The following ABCG8 variants were observed in gnomAD, a reference collection of about 807,000 sequenced individuals.
ABCG8 encodes ATP-binding cassette sub-family G member 8.
A neutral mutation model predicts 71.3 loss-of-function variants in ABCG8; 81 were observed. The ratio of observed to expected loss-of-function variants is 1.14; its 90% CI spans 0.95 to 1.37. The LOEUF (loss-of-function observed/expected upper bound fraction) is 1.37. Ranked by LOEUF, ABCG8 falls within the 40% of genes most tolerant of loss-of-function variation. ABCG8 has a pLI of 0.00. For missense variants in ABCG8, 1,119 were observed against 866.2 expected (o/e 1.29, Z -3.66); for synonymous variants, 451 against 354.7 (o/e 1.27, Z -3.05).
At chr2:43,862,795 G>A (rs72796789) in intron 6 of ABCG8, among the ~76,000 whole-genome samples, 7,771 of 148,002 alleles carry the variant, frequency 0.053, 250 homozygotes, top group Middle Eastern at 0.12. Flanking sequence ...ATCTCTCTGT[G>A]TAGAATTCTG....
chr2:43,875,360 ACTC>A lies in ABCG8; in HGVS notation c.1706_1708del (p.Ser569del), dbSNP rs776662013. The A allele has an allele frequency of 1.2e-6, 2 of 1,613,450 alleles. No individual in the cohort carries two copies. The highest frequency in any genetic ancestry group is 2.7e-5 in the African/African-American group (2 of 74,760). On this transcript the variant is annotated inframe_deletion, in exon 11 of 13. Transcript: ENST00000272286. ...TCCTTCTTCAGCAATGCCCTCTACA[ACTC>A]CTTCTACCTCGCCGGGGGCTTCATG...
At position 43,877,849 on chromosome 2, in the gene ABCG8, G is replaced by A; in HGVS notation, c.1958G>A (p.Gly653Asp). 1 of 1,614,082 alleles carries A rather than the reference G, an allele frequency of 6.2e-7. No homozygotes were observed. Among genetic ancestry groups the A allele is most frequent in the Non-Finnish European group, 8.5e-7 (1 of 1,180,004 alleles). ...CTCATCGTCATTGGCCTCAGCGGTG[G>A]CTTCATGGTCCTGTACTACGTGTCC... ...IYLIVIGLSG[G>D]FMVLYYVSLR... The change falls in exon 13 of 13, where the codon GGC becomes GAC. Residue 653 changes from glycine (G) to aspartate (D), a missense_variant. Transcript: ENST00000272286.
chr2:43,859,089 T>C (rs1669214044), intron 6 of ABCG8, among the ~76,000 whole-genome samples: 1 of 151,108 alleles, frequency 6.6e-6, no homozygotes. Context: ...GAACTGTCAC[T>C]CTCAGAACTT....
rs772660192 is a variant in ABCG8, at chr2:43,844,565, G to C, written c.122G>C (p.Ser41Thr). The C allele has an allele frequency of 6.2e-7, 1 of 1,614,172 alleles. No individual in the cohort carries two copies. The highest frequency in any genetic ancestry group is 1.1e-5 in the South Asian group (1 of 91,084). The stretch of plus-strand genomic sequence containing the variant: ...GACAACAGCCTGTACTTCACCTACA[G>C]TGGCCAGCCCAACACCCTGGAGGTC... ...ESDNSLYFTY[S>T]GQPNTLEVRD... is the part of the protein sequence containing the mutation. Residue 41 changes from serine to threonine, a missense_variant, in exon 2 of 13, where the codon AGT becomes ACT. Coordinates refer to ENST00000272286, the MANE Select transcript of ABCG8 (RefSeq NM_022437.3).
chr2:43,839,041 A>T lies in ABCG8; in HGVS notation c.-13A>T. 1 of 1,550,688 alleles carries T rather than the reference A, an allele frequency of 6.4e-7. No homozygotes were observed. Among genetic ancestry groups the T allele is most frequent in the Non-Finnish European group, 8.7e-7 (1 of 1,146,684 alleles). Reference sequence around the variant, plus strand: ...AGAGAGCTGCAGCCCAGGGTCACAGACCTGTGGGCCCCATGGCCGGGAAGG... The same window carrying T: ...AGAGAGCTGCAGCCCAGGGTCACAGTCCTGTGGGCCCCATGGCCGGGAAGG... On this transcript the variant is annotated 5_prime_UTR_variant, in exon 1 of 13. Transcript: ENST00000272286.
intron 6 of ABCG8, among the ~76,000 whole-genome samples, chr2:43,857,364 A>G (rs59880010): frequency 6.6e-6 from 1 of 151,558 alleles, no homozygotes; most frequent in East Asian, 1.9e-4. Context: ...CCTCGATAGA[A>G]CTCTGACCAT....
In ABCG8 at chr2:43,871,383, A is replaced by ACTAT. The variant is rs879511074; in HGVS notation, c.965-590_965-587dup. ...TGCTCACTCTCTGGATAGAACTCTC[A>ACTAT]CTATCTGGATAGAATTCTCACCCTC... On this transcript the variant is annotated intron_variant, in intron 6 of 12. Coordinates refer to ENST00000272286, the MANE Select transcript of ABCG8 (RefSeq NM_022437.3). Among the ~76,000 whole-genome samples, 1,258 of 139,152 alleles carry ACTAT rather than the reference A, an allele frequency of 9.0e-3. 1 individual carries two copies. The highest frequency in any genetic ancestry group is 0.017 in the South Asian group (70 of 4,156). The allele number at this position is 139,152 out of a possible 152,430, so 91.3% of individuals were successfully genotyped here.
chr2:43,859,348 TCTAA>T (rs1259947006), intron 6 of ABCG8, among the ~76,000 whole-genome samples: 1 of 150,736 alleles, frequency 6.6e-6, no homozygotes, highest in African/African-American at 2.4e-5. Flanking sequence ...TGCACGGGAT[TCTAA>T]CTATCTGTCT....
intron 3 of ABCG8, chr2:43,847,706 C>A (rs1668787856): frequency 1.3e-5 from 2 of 152,032 alleles, no homozygotes; most frequent in Admixed American, 1.3e-4. Context: ...GATCCCGTCT[C>A]TTAGAAAGGA....
chr2:43,853,015 T>A, intron 6 of ABCG8, 147 bp downstream of exon 6: 1 of 1,069,032 alleles, frequency 9.4e-7, no homozygotes, highest in Non-Finnish European at 1.3e-6. Context: ...GAACATGGGG[T>A]GGTTTGCCAG....
chr2:43,839,012 T>C lies in ABCG8; in HGVS notation c.-42T>C, dbSNP rs917064382. Reference sequence around the variant, plus strand: ...CTGGCCCTGGCAGGCAGCAGCTGGGTCTAAGAGAGCTGCAGCCCAGGGTCA... The same window carrying C: ...CTGGCCCTGGCAGGCAGCAGCTGGGCCTAAGAGAGCTGCAGCCCAGGGTCA... On this transcript the variant is annotated 5_prime_UTR_variant, in exon 1 of 13. Transcript: ENST00000272286. The C allele has an allele frequency of 3.2e-6, 5 of 1,544,078 alleles. No homozygotes were observed. In the African/African-American group the frequency reaches 5.5e-5, roughly 17 times the overall value.
chr2:43,878,007 C>T lies in ABCG8; in HGVS notation c.*94C>T, dbSNP rs536061680. On this transcript the variant is annotated 3_prime_UTR_variant, in exon 13 of 13. Coordinates refer to ENST00000272286, the MANE Select transcript of ABCG8 (RefSeq NM_022437.3). The stretch of plus-strand genomic sequence containing the variant: ...AGCCCCTTCCTGGGGACAGTGAGGA[C>T]AATGACCCTACAGATGCTCAGCTAC... 1.0e-5 allele frequency: 16 copies of T among 1,572,836 alleles called. No homozygotes were observed. The East Asian group carries it at 3.6e-4, about 36-fold the overall frequency.
At position 43,872,321 on chromosome 2, in the gene ABCG8, T is replaced by C. The variant is rs1572863623; in HGVS notation, c.1211+15T>C. The C allele has an allele frequency of 3.7e-6, 6 of 1,611,492 alleles. No homozygotes were observed. In the East Asian group the frequency reaches 8.9e-5, roughly 24 times the overall value. The stretch of plus-strand genomic sequence containing the variant: ...ACGCTGATCCGGTAATTATCTGTCA[T>C]TTTATTACTGAACCCGCCCCCCTGC... On this transcript the variant is annotated intron_variant, in intron 8 of 12. Coordinates refer to ENST00000272286, the MANE Select transcript of ABCG8 (RefSeq NM_022437.3).
At chr2:43,839,601 T>C (rs180827829) in intron 1 of ABCG8, among the ~76,000 whole-genome samples, 1 of 151,878 alleles carries the variant, frequency 6.6e-6, no homozygotes. Context: ...AAATTTTGTA[T>C]TTTTTAGTAG....
intron 6 of ABCG8, among the ~76,000 whole-genome samples, chr2:43,863,760 TACTA>T (rs1436447721): frequency 3.4e-5 from 5 of 147,370 alleles, no homozygotes; most frequent in Admixed American, 3.4e-4. Context: ...ATAGAACTCT[TACTA>T]TCTATCTGGA....
At chr2:43,855,168 A>T (rs1382554122) in intron 6 of ABCG8, among the ~76,000 whole-genome samples, 1 of 152,068 alleles carries the variant, frequency 6.6e-6, no homozygotes, top group African/African-American at 2.4e-5. Flanking sequence ...AACTCTCAAT[A>T]TCTATCTGGA....
chr2:43,868,388 C>A (rs1017063751), intron 6 of ABCG8, among the ~76,000 whole-genome samples: 5 of 151,846 alleles, frequency 3.3e-5, no homozygotes, highest in Non-Finnish European at 7.4e-5. Flanking sequence ...AATTCTTACT[C>A]TCTGGATAGA....
At position 43,878,948 on chromosome 2, in the gene ABCG8, G is replaced by C. The variant is rs768523210; in HGVS notation, c.*1035G>C. ...TTATAAGGGGCTTCCCTCTTCGCTC[G>C]GCTCTCATTCTCTCTCCCGCTACCC... On this transcript the variant is annotated 3_prime_UTR_variant, in exon 13 of 13. Transcript: ENST00000272286. 6.6e-6 allele frequency: 1 copy of C among 152,180 alleles called. No individual in the cohort carries two copies. The highest frequency in any genetic ancestry group is 1.9e-4 in the East Asian group (1 of 5,188). 9.4% of individuals were successfully genotyped at this position (152,180 alleles called of 1,614,324 possible). A position where few individuals can be genotyped will look rare whatever the true frequency, so the allele number is the denominator to read the frequency against.
intron 8 of ABCG8, among the ~76,000 whole-genome samples, chr2:43,872,596 G>A (rs1669821099): frequency 6.6e-6 from 1 of 151,674 alleles, no homozygotes. Context: ...GGTGGCGTGG[G>A]CCTACCTGGT....
Sources: allele counts gnomAD v4.1 joint callset (sites outside exome capture counted in the v4.1 genomes callset), GRCh38; gene constraint gnomAD v4.1.1; transcripts MANE v1.5; gene names NCBI Gene and HGNC (gene_info 2026-07-23, HGNC 2026-07-21).